The following LY9 variants were observed in gnomAD, a reference collection of about 807,000 sequenced individuals.
The protein encoded by LY9 is T-lymphocyte surface antigen Ly-9.
LY9 carries 59 observed loss-of-function variants against 64.6 expected under a neutral mutation model. The ratio of observed to expected loss-of-function variants is 0.91; its 90% CI spans 0.74 to 1.13. LY9 has a LOEUF of 1.13. LY9 is among the 50% of genes most tolerant of loss of function. The probability of loss-of-function intolerance (pLI) is 0.00; values close to 1 mark genes in which losing one functional copy is unlikely to be tolerated. For missense variants in LY9, 789 were observed against 797.2 expected (o/e 0.99, Z 0.12); for synonymous variants, 281 against 308.5 (o/e 0.91, Z 0.93).
At position 160,799,521 on chromosome 1, in the gene LY9, C is replaced by A. The variant is rs185685099; in HGVS notation, c.125-232C>A. The A allele has an allele frequency of 1.3e-4, 62 of 470,332 alleles. No individual in the cohort carries two copies. The East Asian group carries it at 2.0e-3, about 15-fold the overall frequency. The allele number at this position is 470,332 out of a possible 1,614,324, so 29.1% of individuals were successfully genotyped here. A position where few individuals can be genotyped will look rare whatever the true frequency, so the allele number is the denominator to read the frequency against. ...CTAATTCCTCTACTGGAACAGAAAC[C>A]CAGAAGATCTGTTTCACAGATTGTT... On this transcript the variant is annotated intron_variant, in intron 1 of 9. Coordinates refer to ENST00000263285, the MANE Select transcript of LY9 (RefSeq NM_002348.4).
At chr1:160,802,060 C>T in intron 2 of LY9, 6 of 1,403,574 alleles carry the variant, frequency 4.3e-6, no homozygotes, top group Non-Finnish European at 3.7e-6. Context: ...GGGCGTTAGG[C>T]GTGTCCCACC....
intron 4 of LY9, among the ~76,000 whole-genome samples, chr1:160,815,782 A>G (rs1667904216): frequency 6.6e-6 from 1 of 152,222 alleles, no homozygotes; most frequent in Non-Finnish European, 1.5e-5. Flanking sequence ...TTGGTGTCCA[A>G]AGACACTGTG....
chr1:160,814,037 C>T, intron 3 of LY9, 126 bp downstream of exon 3: 3 of 979,188 alleles, frequency 3.1e-6, no homozygotes, highest in Non-Finnish European at 4.5e-6. Context: ...GCCCCAAAAC[C>T]CCTTATTCTC....
At chr1:160,797,160 T>A (rs1665968647) in intron 1 of LY9, 3 of 985,396 alleles carry the variant, frequency 3.0e-6, no homozygotes, top group Non-Finnish European at 3.6e-6. Context: ...AACCCCACTG[T>A]CCAGCAGATA....
In LY9 at chr1:160,824,193, G is replaced by T; in HGVS notation, c.1843G>T (p.Val615Phe). The change falls in exon 9 of 10, where the codon GTT (valine) becomes TTT (phenylalanine). Residue 615 changes from valine (V) to phenylalanine (F), a missense_variant. Physicochemically the swap from Val to Phe is conservative, Grantham distance 50 (BLOSUM62 -1). Transcript: ENST00000263285. ...QVFNLQGKTP[V>F]SQKEESSATI... ...TGGTGTGTTACAGGGAAAGACCCCA[G>T]TTTCTCAGAAGGAAGAGAGCTCAGC... 1.2e-6 allele frequency: 2 copies of T among 1,614,188 alleles called. No homozygotes were observed. The highest frequency in any genetic ancestry group is 2.7e-5 in the African/African-American group (2 of 75,058).
At chr1:160,800,162 G>A in intron 2 of LY9, 80 bp downstream of exon 2, 1 of 1,111,838 alleles carries the variant, frequency 9.0e-7, no homozygotes, top group South Asian at 1.5e-5. Context: ...GTGAAATTTT[G>A]TTATATGTAT....
chr1:160,813,489 C>T (rs1413391669), intron 2 of LY9, 147 bp from the exon 3 acceptor site: 2 of 710,470 alleles, frequency 2.8e-6, no homozygotes, highest in Non-Finnish European at 4.6e-6. Flanking sequence ...GGCTGTCAAC[C>T]CAGCCTGCAG....
chr1:160,813,728 G>T lies in LY9; in HGVS notation c.547G>T (p.Ala183Ser), dbSNP rs774409700. ...NITLMCSVKG[A>S]EKSVLYSWTP... is the part of the protein sequence containing the mutation. Reference sequence around the variant, plus strand: ...CACTCTAATGTGCTCCGTGAAGGGGGCAGAGAAAAGTGTTCTGTACAGCTG... The same window carrying T: ...CACTCTAATGTGCTCCGTGAAGGGGTCAGAGAAAAGTGTTCTGTACAGCTG... The change falls in exon 3 of 10, where the codon GCA (alanine) becomes TCA (serine). Residue 183 changes from alanine (A) to serine (S), a missense_variant. Physicochemically the swap from Ala to Ser is moderately conservative, Grantham distance 99. Coordinates refer to ENST00000263285, the MANE Select transcript of LY9 (RefSeq NM_002348.4). 1.1e-5 allele frequency: 17 copies of T among 1,614,192 alleles called. No individual in the cohort carries two copies. Among genetic ancestry groups the T allele is most frequent in the Admixed American group, 1.7e-5 (1 of 60,024 alleles).
At chr1:160,824,325 A>G in intron 9 of LY9, 76 bp downstream of exon 9, 13 of 1,585,452 alleles carry the variant, frequency 8.2e-6, no homozygotes, top group South Asian at 2.3e-5. Flanking sequence ...TGAACTGAAA[A>G]TCCGAGATTC....
chr1:160,824,554 A>G, intron 9 of LY9: 3 of 985,154 alleles, frequency 3.0e-6, no homozygotes, highest in Non-Finnish European at 3.6e-6. Flanking sequence ...TTTTAAATCT[A>G]TCTCTAACCC....
chr1:160,804,389 AT>A (rs1666774629), intron 2 of LY9, among the ~76,000 whole-genome samples: 1 of 152,224 alleles, frequency 6.6e-6, no homozygotes, highest in South Asian at 2.1e-4. Flanking sequence ...GATGTATCAC[AT>A]TTATTGATTT....
rs1167666478 is a variant in LY9, at chr1:160,814,573, A to C, written c.884A>C (p.Glu295Ala). Residue 295 changes from glutamate to alanine, a missense_variant, in exon 4 of 10, where the codon GAA becomes GCA. By Grantham distance (107) the Glu-to-Ala change is moderately radical. Coordinates refer to ENST00000263285, the MANE Select transcript of LY9 (RefSeq NM_002348.4). ...TCCATCATTAGCAAAGAGAGGGAAGAAGCAGCAACGGCAGATCCACTCATT... is the reference window on the plus strand; with the variant it reads ...TCCATCATTAGCAAAGAGAGGGAAGCAGCAGCAACGGCAGATCCACTCATT... ...NTSIISKERE[E>A]AATADPLIKS... 1.2e-6 allele frequency: 2 copies of C among 1,614,170 alleles called. No individual in the cohort carries two copies. Among genetic ancestry groups the C allele is most frequent in the Admixed American group, 1.7e-5 (1 of 60,024 alleles).
chr1:160,820,073 A>G (rs1668293889), intron 7 of LY9, among the ~76,000 whole-genome samples: 1 of 152,214 alleles, frequency 6.6e-6, no homozygotes. Context: ...TTCCTTGGGC[A>G]TTAGCCATTC....
At chr1:160,816,989 T>C in intron 5 of LY9, 126 bp downstream of exon 5, 1 of 830,954 alleles carries the variant, frequency 1.2e-6, no homozygotes, top group Non-Finnish European at 1.9e-6. Context: ...GTGGCATGCT[T>C]CCACAGATAT....
At chr1:160,818,911 T>C (rs1049037955) in intron 6 of LY9, among the ~76,000 whole-genome samples, 1 of 152,190 alleles carries the variant, frequency 6.6e-6, no homozygotes, top group African/African-American at 2.4e-5. Context: ...CCAATTTCTA[T>C]AGCCAAGAAG....
At chr1:160,815,023 C>A (rs535958120) in intron 4 of LY9, 2 of 507,274 alleles carry the variant, frequency 3.9e-6, no homozygotes, top group African/African-American at 3.8e-5. Flanking sequence ...GTGCTTGCCC[C>A]GGTCCTTCTG....
At chr1:160,808,789 T>C (rs981210477) in intron 2 of LY9, among the ~76,000 whole-genome samples, 4 of 152,236 alleles carry the variant, frequency 2.6e-5, no homozygotes, top group Non-Finnish European at 4.4e-5. Context: ...AGGCATTAAA[T>C]GCTTCTAGTC....
intron 2 of LY9, chr1:160,809,886 T>C (rs1667332880): frequency 1.3e-5 from 2 of 152,260 alleles, no homozygotes; most frequent in African/African-American, 4.8e-5. Context: ...TTTTATGTTT[T>C]ATGTTTGTTT....
At chr1:160,813,378 T>G in intron 2 of LY9, 1 of 519,844 alleles carries the variant, frequency 1.9e-6, no homozygotes, top group East Asian at 3.2e-5. Flanking sequence ...CATCAAGGAG[T>G]TCTTACACTG....
Sources: gnomAD v4.1 joint callset for allele counts (sites outside exome capture counted in the v4.1 genomes callset) on GRCh38, gnomAD v4.1.1 for gene constraint, MANE v1.5 for transcripts, NCBI Gene and HGNC (gene_info 2026-07-23, HGNC 2026-07-21) for gene names.